ITPKB: variants seen among roughly 807,000 people sequenced by gnomAD.
ITPKB encodes the protein inositol-trisphosphate 3-kinase B.
ITPKB carries 13 observed loss-of-function variants against 69.4 expected under a neutral mutation model. The observed-to-expected ratio is 0.19, with a 90% CI of 0.12 to 0.30. The LOEUF (loss-of-function observed/expected upper bound fraction) is 0.30. Ranked by LOEUF, ITPKB falls within the 10% of genes least tolerant of loss-of-function variation. The pLI, the probability that ITPKB is intolerant of heterozygous loss-of-function variation, is 1.00. For synonymous variants in ITPKB, 584 were observed against 513.7 expected (o/e 1.14, Z -1.85); for missense variants, 1,240 against 1,250.5 (o/e 0.99, Z 0.13).
At chr1:226,700,267 G>A (rs955379228) in intron 2 of ITPKB, among the ~76,000 whole-genome samples, 3 of 151,860 alleles carry the variant, frequency 2.0e-5, no homozygotes, top group African/African-American at 7.3e-5. Context: ...TCAGGAGATC[G>A]AGACCATCCT....
chr1:226,661,335 T>G (rs540098911), intron 2 of ITPKB, among the ~76,000 whole-genome samples: 2 of 152,336 alleles, frequency 1.3e-5, no homozygotes, highest in South Asian at 4.1e-4. Flanking sequence ...ATTTGCTATG[T>G]GTGTGTGATA....
intron 2 of ITPKB, among the ~76,000 whole-genome samples, chr1:226,705,999 CCT>C (rs1233902119): frequency 6.6e-6 from 1 of 152,186 alleles, no homozygotes. Context: ...CAGTTTGTTG[CCT>C]CTTATTCCAA....
At chr1:226,722,409 G>A (rs185734243) in intron 2 of ITPKB, among the ~76,000 whole-genome samples, 9 of 152,192 alleles carry the variant, frequency 5.9e-5, no homozygotes, top group African/African-American at 1.9e-4. Flanking sequence ...GCAGGGCTCC[G>A]TTCAGCTTCT....
At chr1:226,717,392 G>A (rs1211530070) in intron 2 of ITPKB, among the ~76,000 whole-genome samples, 2 of 152,154 alleles carry the variant, frequency 1.3e-5, no homozygotes, top group Non-Finnish European at 2.9e-5. Context: ...AAAAGGGGAA[G>A]CATCTCTGGG....
intron 2 of ITPKB, among the ~76,000 whole-genome samples, chr1:226,715,350 TG>T (rs1657069217): frequency 6.6e-6 from 1 of 152,256 alleles, no homozygotes; most frequent in Admixed American, 6.5e-5. Context: ...AGACAAGGCC[TG>T]TGCGTGCATT....
intron 2 of ITPKB, among the ~76,000 whole-genome samples, chr1:226,717,809 C>A (rs113730077): frequency 7.9e-5 from 12 of 152,310 alleles, no homozygotes; most frequent in African/African-American, 2.6e-4. Context: ...GAGCAGGAAG[C>A]GACCTCAGAG....
chr1:226,720,586 T>C (rs1657211408), intron 2 of ITPKB, among the ~76,000 whole-genome samples: 1 of 152,200 alleles, frequency 6.6e-6, no homozygotes, highest in African/African-American at 2.4e-5. Flanking sequence ...CATAAAGTAT[T>C]TGACGGAACA....
chr1:226,678,371 G>C (rs1056324309), intron 2 of ITPKB, among the ~76,000 whole-genome samples: 1 of 152,238 alleles, frequency 6.6e-6, no homozygotes, highest in Non-Finnish European at 1.5e-5. Context: ...TTTCCCTAAA[G>C]GGGGAGGAAA....
intron 2 of ITPKB, among the ~76,000 whole-genome samples, chr1:226,658,284 C>A (rs1288839679): frequency 6.6e-6 from 1 of 152,232 alleles, no homozygotes; most frequent in Non-Finnish European, 1.5e-5. Flanking sequence ...TCATTGTATT[C>A]CCCCTGGCAG....
At chr1:226,644,367 G>T (rs989269766) in intron 4 of ITPKB, among the ~76,000 whole-genome samples, 3 of 152,180 alleles carry the variant, frequency 2.0e-5, no homozygotes, top group Admixed American at 1.3e-4. Flanking sequence ...CAGGACGCTG[G>T]GGGAGGAGGG....
At chr1:226,687,113 A>G (rs1192305099) in intron 2 of ITPKB, among the ~76,000 whole-genome samples, 1 of 152,242 alleles carries the variant, frequency 6.6e-6, no homozygotes, top group Non-Finnish European at 1.5e-5. Context: ...ATTTGTAGTC[A>G]GTGAGCAAAA....
intron 2 of ITPKB, among the ~76,000 whole-genome samples, chr1:226,716,258 A>G (rs906578078): frequency 6.6e-6 from 1 of 152,230 alleles, no homozygotes; most frequent in Non-Finnish European, 1.5e-5. Context: ...ATAGTTTTGT[A>G]TATCTCATAT....
intron 2 of ITPKB, among the ~76,000 whole-genome samples, chr1:226,685,920 G>A (rs1489000394): frequency 6.6e-6 from 1 of 152,186 alleles, no homozygotes; most frequent in Non-Finnish European, 1.5e-5. Context: ...CTGAGCCAAT[G>A]AATGTGATGC....
chr1:226,646,727 C>T (rs1028669844), intron 4 of ITPKB, among the ~76,000 whole-genome samples: 2 of 152,172 alleles, frequency 1.3e-5, no homozygotes, highest in Non-Finnish European at 2.9e-5. Flanking sequence ...TCTCTTCCCA[C>T]TCACCAGGGC....
chr1:226,687,489 C>G (rs750072611), intron 2 of ITPKB, among the ~76,000 whole-genome samples: 13 of 152,220 alleles, frequency 8.5e-5, no homozygotes, highest in Non-Finnish European at 1.5e-4. Context: ...AACATAGGAA[C>G]AGCCTCTACC....
At chr1:226,636,792 G>T (rs1392369600) in intron 7 of ITPKB, among the ~76,000 whole-genome samples, 18 of 133,920 alleles carry the variant, frequency 1.3e-4, no homozygotes, top group African/African-American at 6.4e-4. Context: ...GTGTGTGTGT[G>T]TGAGACTGGG....
At chr1:226,692,577 C>T (rs1458555891) in intron 2 of ITPKB, among the ~76,000 whole-genome samples, 7 of 152,180 alleles carry the variant, frequency 4.6e-5, no homozygotes, top group Non-Finnish European at 8.8e-5. Flanking sequence ...GAACAGCTGA[C>T]GCTAAACTTG....
At chr1:226,638,468 G>A (rs1668885155) in intron 6 of ITPKB, among the ~76,000 whole-genome samples, 2 of 152,218 alleles carry the variant, frequency 1.3e-5, no homozygotes, top group South Asian at 2.1e-4. Flanking sequence ...GCTGTGGACT[G>A]TTCAGAAGGT....
intron 2 of ITPKB, among the ~76,000 whole-genome samples, chr1:226,732,794 G>A (rs974433665): frequency 2.0e-5 from 3 of 152,180 alleles, no homozygotes; most frequent in African/African-American, 4.8e-5. Flanking sequence ...TCAGATCTCA[G>A]AGAACAGTAA....
Sources: gnomAD v4.1 joint callset for allele counts (sites outside exome capture counted in the v4.1 genomes callset) on GRCh38, gnomAD v4.1.1 for gene constraint, MANE v1.5 for transcripts, NCBI Gene and HGNC (gene_info 2026-07-23, HGNC 2026-07-21) for gene names.